MX1: variants seen among roughly 807,000 people sequenced by gnomAD.
MX1 encodes MX dynamin like GTPase 1, also known as interferon-induced GTP-binding protein Mx1.
Under a neutral mutation model 66.4 loss-of-function variants are expected in MX1, and 66 were observed. The ratio of observed to expected loss-of-function variants is 0.99; its 90% CI spans 0.82 to 1.22. The LOEUF (loss-of-function observed/expected upper bound fraction) is 1.22, where lower values mean the gene tolerates loss of function less well. MX1 is among the 50% of genes most tolerant of loss of function. The pLI is 0.00. For missense variants in MX1, 787 were observed against 834.3 expected, an observed-to-expected ratio of 0.94 and a Z score of 0.70; for synonymous variants, 311 against 318.1, an observed-to-expected ratio of 0.98 and a Z score of 0.24.
chr21:41,437,589 C>T (rs1448872108), intron 7 of MX1, among the ~76,000 whole-genome samples: 1 of 152,140 alleles, frequency 6.6e-6, no homozygotes, highest in Non-Finnish European at 1.5e-5. Context: ...TGCAGTGAGC[C>T]GTGATCTTGC....
chr21:41,446,007 A>G lies in MX1; in HGVS notation c.1139A>G (p.Asn380Ser). 1 of 1,613,802 alleles carries G rather than the reference A, an allele frequency of 6.2e-7. No individual in the cohort carries two copies. Among genetic ancestry groups the G allele is most frequent in the East Asian group, 2.2e-5 (1 of 44,880 alleles). The change falls in exon 13 of 17, where the codon AAT (asparagine) becomes AGT (serine). Residue 380 changes from asparagine to serine, a missense_variant. Transcript: ENST00000398598. ...EKMFFLIDKV[N>S]AFNQDITALM... ...TGTTTTTCTTCTTGACAGAAAGTTA[A>G]TGCCTTTAATCAGGACATCACTGCT...
chr21:41,441,056 T>G lies in MX1; in HGVS notation c.730+31T>G, dbSNP rs761812002. On this transcript the variant is annotated intron_variant, in intron 9 of 16. Transcript: ENST00000398598. This position sits in a 1 kb window ranked among gnomAD's most constrained non-coding sequence, Gnocchi z 4.0. Reference sequence around the variant, plus strand: ...AGTGGGGGAGCCCCACTGTGCTCAGTGAGAATGGGGGAGCCCGCCTGTGCT... The same window carrying G: ...AGTGGGGGAGCCCCACTGTGCTCAGGGAGAATGGGGGAGCCCGCCTGTGCT... 2.1e-5 allele frequency: 32 copies of G among 1,524,530 alleles called. No homozygotes were observed. In the African/African-American group the frequency reaches 4.3e-4, roughly 21 times the overall value. 94.4% of individuals were successfully genotyped at this position (1,524,530 alleles called of 1,614,324 possible).
chr21:41,433,638 G>A (rs1345469759), intron 5 of MX1, among the ~76,000 whole-genome samples: 2 of 152,100 alleles, frequency 1.3e-5, no homozygotes, highest in Non-Finnish European at 2.9e-5. Context: ...AAAACATATA[G>A]GTGGCAAAAC....
In MX1 at chr21:41,437,148, T is replaced by C. The variant is rs763822126; in HGVS notation, c.432T>C (p.Asn144=). 9.9e-6 allele frequency: 16 copies of C among 1,613,824 alleles called. No homozygotes were observed. The African/African-American group carries it at 2.1e-4, about 22-fold the overall frequency. ...SDASEVEKEI[N]KAQNAIAGEG... ...CTTCAGAGGTAGAAAAGGAAATTAATAAAGGTGAGTACCCCCTGTTTGGAT... is the reference window on the plus strand; with the variant it reads ...CTTCAGAGGTAGAAAAGGAAATTAACAAAGGTGAGTACCCCCTGTTTGGAT... The change falls in exon 7 of 17, where the codon AAT becomes AAC. Residue 144 remains asparagine (N), a synonymous_variant. Coordinates refer to ENST00000398598, the MANE Select transcript of MX1 (RefSeq NM_002462.5).
intron 16 of MX1, among the ~76,000 whole-genome samples, chr21:41,456,801 G>A (rs545954564): frequency 5.3e-5 from 8 of 151,958 alleles, no homozygotes; most frequent in South Asian, 2.1e-4. Context: ...TCACTCTGTC[G>A]CCCAGGCTGG....
chr21:41,435,750 T>G, intron 5 of MX1, 87 bp from the exon 6 acceptor site: 239 of 1,397,192 alleles, frequency 1.7e-4, no homozygotes, highest in Non-Finnish European at 2.1e-4. Context: ...CAATTCGAGA[T>G]GAGATTTGGG....
intron 5 of MX1, 73 bp downstream of exon 5, chr21:41,432,248 C>T (rs895016585): frequency 2.4e-5 from 32 of 1,351,268 alleles, no homozygotes; most frequent in Admixed American, 3.4e-5. Flanking sequence ...TTTTCTACAG[C>T]GGTGCTACTG....
At chr21:41,445,665 G>C in intron 12 of MX1, 95 bp downstream of exon 12, 1 of 1,532,186 alleles carries the variant, frequency 6.5e-7, no homozygotes, top group Admixed American at 1.9e-5. Flanking sequence ...ACTCCCCCAA[G>C]GCTGATCCAA....
chr21:41,449,433 C>T, intron 14 of MX1, 138 bp downstream of exon 14: 1 of 797,200 alleles, frequency 1.3e-6, no homozygotes, highest in Non-Finnish European at 1.9e-6. Flanking sequence ...CTCCAGATGC[C>T]AAGTTGGTAT....
At chr21:41,425,489 T>A (rs2090042282), upstream of MX1, among the ~76,000 whole-genome samples, 1 of 152,168 alleles carries the variant, frequency 6.6e-6, no homozygotes, top group African/African-American at 2.4e-5. Flanking sequence ...CTTTTGTGGA[T>A]CTTCAGTTAC....
At chr21:41,440,417 T>C (rs1029106549) in intron 8 of MX1, among the ~76,000 whole-genome samples, 1 of 152,188 alleles carries the variant, frequency 6.6e-6, no homozygotes, top group African/African-American at 2.4e-5. Context: ...CCAGGGAGGC[T>C]GTGATGAGCC....
chr21:41,441,585 T>C lies in MX1; in HGVS notation c.731-131T>C. 1 of 918,024 alleles carries C rather than the reference T, an allele frequency of 1.1e-6. No individual in the cohort carries two copies. The highest frequency in any genetic ancestry group is 1.8e-6 in the Non-Finnish European group (1 of 569,750). The allele number at this position is 918,024 out of a possible 1,614,324, so 56.9% of individuals were successfully genotyped here. A position where few individuals can be genotyped will look rare whatever the true frequency, so the allele number is the denominator to read the frequency against. On this transcript the variant is annotated intron_variant, in intron 9 of 16. Transcript: ENST00000398598. This position sits in a 1 kb window ranked among gnomAD's most constrained non-coding sequence, Gnocchi z 4.0. ...CGGGGCTCCACTGCCCCCATGGTTC[T>C]GCAGGGGCTATGGCCTGTCCTCAAG...
intron 16 of MX1, among the ~76,000 whole-genome samples, chr21:41,454,223 T>A (rs2090905698): frequency 6.6e-6 from 1 of 152,216 alleles, no homozygotes; most frequent in African/African-American, 2.4e-5. Context: ...CTGCAATCTG[T>A]CTTGTGATGC....
chr21:41,436,825 A>C (rs2090375595), intron 6 of MX1, among the ~76,000 whole-genome samples, 190 bp from the exon 7 acceptor site: 1 of 152,244 alleles, frequency 6.6e-6, no homozygotes, highest in East Asian at 1.9e-4. Context: ...TTACATACTC[A>C]GAATGCATGT....
At chr21:41,442,042 C>T (rs539569099) in intron 10 of MX1, 128 bp downstream of exon 10, 186 of 743,756 alleles carry the variant, frequency 2.5e-4, no homozygotes, top group Non-Finnish European at 3.8e-4. Context: ...TGTGTGTGCG[C>T]GTGTGTGTGT....
chr21:41,437,209 T>C (rs112529047), intron 7 of MX1, 57 bp downstream of exon 7: 28,021 of 1,597,538 alleles, frequency 0.018, 330 homozygotes, highest in Non-Finnish European at 0.022. Flanking sequence ...TGGGGTCTGT[T>C]TGTAACTGTT....
intron 16 of MX1, among the ~76,000 whole-genome samples, chr21:41,456,005 G>A (rs1252246657): frequency 1.3e-5 from 2 of 152,296 alleles, no homozygotes; most frequent in East Asian, 3.9e-4. Flanking sequence ...ACTCTGGAAG[G>A]CTGAGGTGGG....
Position 41,441,970 on chromosome 21 carries a change from C to T in MX1, c.929+56C>T. The T allele has an allele frequency of 6.3e-7, 1 of 1,587,744 alleles. No individual in the cohort carries two copies. The highest frequency in any genetic ancestry group is 8.6e-7 in the Non-Finnish European group (1 of 1,157,250). The stretch of plus-strand genomic sequence containing the variant: ...GTCCAAGCCCAGGATGTCAGGCCTT[C>T]CAGGGGACAGTGGCAGCCGTCCCAC... On this transcript the variant is annotated intron_variant, in intron 10 of 16. Coordinates refer to ENST00000398598, the MANE Select transcript of MX1 (RefSeq NM_002462.5). This position sits in a 1 kb window ranked among gnomAD's most constrained non-coding sequence, Gnocchi z 4.0.
intron 13 of MX1, 85 bp downstream of exon 13, chr21:41,446,226 C>A: frequency 8.0e-7 from 1 of 1,246,848 alleles, no homozygotes; most frequent in Non-Finnish European, 1.1e-6. Flanking sequence ...ACTTATTGCT[C>A]ATTGTTCTGG....
Sources: gnomAD v4.1 joint callset for allele counts (sites outside exome capture counted in the v4.1 genomes callset) on GRCh38, gnomAD v4.1.1 for gene constraint, Gnocchi (gnomAD v3.1) non-coding constraint, MANE v1.5 for transcripts, NCBI Gene and HGNC (gene_info 2026-07-23, HGNC 2026-07-21) for gene names.